EYA1: variants seen among roughly 807,000 people sequenced by gnomAD.
EYA1 encodes the protein protein phosphatase EYA1.
In EYA1, 16 loss-of-function variants were observed where a neutral mutation model predicts 82.0. The ratio of observed to expected loss-of-function variants is 0.20; its 90% CI spans 0.13 to 0.30. The LOEUF (loss-of-function observed/expected upper bound fraction) is 0.30. EYA1 is among the 10% of genes least tolerant of loss of function. The pLI is 1.00. For missense variants in EYA1, 633 were observed against 730.7 expected (o/e 0.87, Z 1.54); for synonymous variants, 261 against 264.4 (o/e 0.99, Z 0.12).
At chr8:71,318,682 G>A (rs1250240106) in intron 6 of EYA1, among the ~76,000 whole-genome samples, 3 of 152,066 alleles carry the variant, frequency 2.0e-5, no homozygotes, top group Non-Finnish European at 1.5e-5. Context: ...ATTTTGCTTC[G>A]TACTTAAGAT....
chr8:71,213,403 A>G (rs1808777901), intron 16 of EYA1, among the ~76,000 whole-genome samples: 1 of 152,156 alleles, frequency 6.6e-6, no homozygotes, highest in Non-Finnish European at 1.5e-5. Flanking sequence ...AACCTTTTCC[A>G]CAATCCCTGT....
chr8:71,355,845 T>C (rs1826816491), intron 2 of EYA1, among the ~76,000 whole-genome samples: 1 of 152,228 alleles, frequency 6.6e-6, no homozygotes, highest in Non-Finnish European at 1.5e-5. Context: ...TTTAATACCC[T>C]ATTAGTGAAG....
intron 2 of EYA1, among the ~76,000 whole-genome samples, chr8:71,446,982 C>T (rs1273770671): frequency 1.3e-5 from 2 of 151,904 alleles, no homozygotes; most frequent in Non-Finnish European, 2.9e-5. Context: ...ACTGAGCAAC[C>T]ACTATATGTC....
At position 71,485,796 on chromosome 8, in the gene EYA1, A is replaced by G. The variant is rs566101935; in HGVS notation, c.33+49948T>C. On this transcript the variant is annotated intron_variant, in intron 2 of 18. Coordinates refer to the EYA1 transcript ENST00000643681. ...CTGAAATGTTTCCAAAAGATTTGACATCCAAGTCAGGGATTTTTCACTGAG... is the reference window on the plus strand; with the variant it reads ...CTGAAATGTTTCCAAAAGATTTGACGTCCAAGTCAGGGATTTTTCACTGAG... Among the ~76,000 whole-genome samples the G allele has an allele frequency of 1.4e-3, 218 of 152,316 alleles. 1 individual carries two copies. Among genetic ancestry groups the G allele is most frequent in the African/African-American group, 4.9e-3 (205 of 41,560 alleles).
intron 2 of EYA1, among the ~76,000 whole-genome samples, chr8:71,500,394 TC>T (rs1811727669): frequency 6.6e-6 from 1 of 152,102 alleles, no homozygotes; most frequent in Non-Finnish European, 1.5e-5. Flanking sequence ...ACTTCTTGAG[TC>T]TTGATTTTTC....
chr8:71,494,022 CA>C (rs34340467), intron 2 of EYA1, among the ~76,000 whole-genome samples: 136 of 41,864 alleles, frequency 3.2e-3, no homozygotes, highest in Middle Eastern at 0.033. Flanking sequence ...GACTCCGTCT[CA>C]AAAAAAAAAA....
intron 3 of EYA1, among the ~76,000 whole-genome samples, chr8:71,338,021 C>T (rs2129050577): frequency 6.6e-6 from 1 of 152,318 alleles, no homozygotes; most frequent in South Asian, 2.1e-4. Flanking sequence ...AGGTCCAGGG[C>T]CCATGCTTTT....
chr8:71,253,769 G>A (rs1469251733), intron 11 of EYA1, among the ~76,000 whole-genome samples: 1 of 152,134 alleles, frequency 6.6e-6, no homozygotes, highest in African/African-American at 2.4e-5. Context: ...AAGGAATGTG[G>A]CACCTGCCAG....
chr8:71,332,503 G>T (rs574382344), intron 4 of EYA1, among the ~76,000 whole-genome samples: 5 of 152,184 alleles, frequency 3.3e-5, no homozygotes, highest in African/African-American at 1.2e-4. Flanking sequence ...TAAATGAAAT[G>T]CACCAAATCC....
In EYA1 at chr8:71,425,576, A is replaced by G. The variant is rs1805157550; in HGVS notation, c.34-69065T>C. Among the ~76,000 whole-genome samples the G allele has an allele frequency of 2.6e-5, 4 of 152,152 alleles. No homozygotes were observed. In the South Asian group the frequency reaches 6.2e-4, roughly 24 times the overall value. On this transcript the variant is annotated intron_variant, in intron 2 of 18. Transcript: ENST00000643681. ...TTCTGCACACAACCATAAGGGGGGA[A>G]ATTTCCCTTATCTAAGGAGCTTAGT...
At chr8:71,300,343 G>T (rs147436256) in intron 7 of EYA1, among the ~76,000 whole-genome samples, 1 of 152,114 alleles carries the variant, frequency 6.6e-6, no homozygotes, top group Non-Finnish European at 1.5e-5. Flanking sequence ...AACAGTAGGC[G>T]CTGTGTAAGA....
intron 3 of EYA1, among the ~76,000 whole-genome samples, chr8:71,346,000 ACACACGTG>A (rs1026017075): frequency 6.6e-6 from 1 of 151,934 alleles, no homozygotes; most frequent in South Asian, 2.1e-4. Flanking sequence ...AAACACACAC[ACACACGTG>A]CACACGTGCG....
intron 2 of EYA1, chr8:71,470,878 T>C (rs1809144513): frequency 2.2e-6 from 1 of 455,502 alleles, no homozygotes; most frequent in African/African-American, 2.0e-5. Context: ...TGGTGAGAGC[T>C]GCTGCTGTGG....
At chr8:71,476,642 A>AC (rs772456522) in intron 2 of EYA1, among the ~76,000 whole-genome samples, 3 of 145,898 alleles carry the variant, frequency 2.1e-5, no homozygotes, top group Non-Finnish European at 4.6e-5. Context: ...AGATGGTAGT[A>AC]CCCCCCAAAT....
chr8:71,387,744 C>T (rs528507146), intron 2 of EYA1, among the ~76,000 whole-genome samples: 1 of 152,082 alleles, frequency 6.6e-6, no homozygotes, highest in African/African-American at 2.4e-5. Flanking sequence ...TTGAGGTACC[C>T]ATGGGATATC....
chr8:71,246,316 G>T (rs895324076), intron 11 of EYA1, among the ~76,000 whole-genome samples: 20 of 152,214 alleles, frequency 1.3e-4, no homozygotes, highest in African/African-American at 3.4e-4. Context: ...TGTAAGCAGA[G>T]AAACTGCCTT....
At chr8:71,381,273 A>T (rs776750902) in intron 2 of EYA1, among the ~76,000 whole-genome samples, 1 of 152,182 alleles carries the variant, frequency 6.6e-6, no homozygotes, top group Admixed American at 6.5e-5. Flanking sequence ...ATATTTAGTT[A>T]GACACAAAAT....
intron 2 of EYA1, among the ~76,000 whole-genome samples, chr8:71,505,015 G>T (rs1261527999): frequency 6.6e-6 from 1 of 152,110 alleles, no homozygotes; most frequent in Non-Finnish European, 1.5e-5. Context: ...GGCCAGGCTG[G>T]TCTCAAACTC....
intron 2 of EYA1, among the ~76,000 whole-genome samples, chr8:71,481,290 T>C (rs966328342): frequency 3.3e-5 from 5 of 152,216 alleles, no homozygotes; most frequent in Non-Finnish European, 7.4e-5. Context: ...TGTATTTGCA[T>C]GAGTAGCATT....
Sources: gnomAD v4.1 joint callset for allele counts (sites outside exome capture counted in the v4.1 genomes callset) on GRCh38, gnomAD v4.1.1 for gene constraint, MANE v1.5 for transcripts, NCBI Gene and HGNC (gene_info 2026-07-23, HGNC 2026-07-21) for gene names.